The following CAT variants were observed in gnomAD, a reference collection of about 807,000 sequenced individuals.
CAT encodes catalase.
Under a neutral mutation model 59.0 loss-of-function variants are expected in CAT, and 43 were observed. The ratio of observed to expected loss-of-function variants is 0.73; its 90% CI spans 0.57 to 0.94. The LOEUF (loss-of-function observed/expected upper bound fraction) is 0.94. CAT is among the 40% of genes least tolerant of loss of function. The probability of loss-of-function intolerance (pLI) is 0.00; values close to 1 mark genes in which losing one functional copy is unlikely to be tolerated. For synonymous variants in CAT, 218 were observed against 230.9 expected (o/e 0.94, Z 0.51); for missense variants, 664 against 682.9 (o/e 0.97, Z 0.31).
chr11:34,471,273 T>C, intron 12 of CAT, 95 bp from the exon 13 acceptor site: 1 of 1,051,940 alleles, frequency 9.5e-7, no homozygotes, highest in Middle Eastern at 2.0e-4. Context: ...GAATTCTGAA[T>C]TATTATTTTC....
In CAT at chr11:34,461,475, G is replaced by A. The variant is rs905673834; in HGVS notation, c.1195+86G>A. On this transcript the variant is annotated intron_variant, in intron 9 of 12. Transcript: ENST00000241052. ...GGGAGGCCAGGCCAGTGGCTCTCAA[G>A]CTGGCCCCGCAGGACCTCCTGCTTG... 68 of 1,508,528 alleles carry A rather than the reference G, an allele frequency of 4.5e-5. No individual in the cohort carries two copies. The South Asian group carries it at 7.2e-4, about 16-fold the overall frequency. The allele number at this position is 1,508,528 out of a possible 1,614,324, so 93.4% of individuals were successfully genotyped here.
chr11:34,445,053 T>A (rs1240934317), intron 1 of CAT, among the ~76,000 whole-genome samples: 2 of 152,186 alleles, frequency 1.3e-5, no homozygotes, highest in Non-Finnish European at 2.9e-5. Flanking sequence ...TTAGAAAGGC[T>A]CTTGGCCATA....
At chr11:34,449,411 G>A (rs1856496728) in intron 2 of CAT, 48 bp downstream of exon 2, 3 of 1,519,156 alleles carry the variant, frequency 2.0e-6, no homozygotes. Context: ...CACAGCACCT[G>A]GGTCAAGTGT....
intron 1 of CAT, among the ~76,000 whole-genome samples, chr11:34,446,211 G>T (rs1380321964): frequency 2.6e-5 from 4 of 152,098 alleles, no homozygotes; most frequent in Admixed American, 6.5e-5. Flanking sequence ...TTCTGTTGCT[G>T]ACTGTTGAAG....
intron 11 of CAT, among the ~76,000 whole-genome samples, chr11:34,469,005 T>C (rs1231377055): frequency 3.9e-5 from 6 of 152,246 alleles, no homozygotes; most frequent in Non-Finnish European, 8.8e-5. Flanking sequence ...GAAATTTGCA[T>C]GATTTCTGGA....
Position 34,454,067 on chromosome 11 carries a change from T to G in CAT, c.711+141T>G. ...CAAAGTTGGGAAGTATTGATCTCAT[T>G]GATCAGTACTGATTTTGTTGGCTAC... On this transcript the variant is annotated intron_variant, in intron 6 of 12. Coordinates refer to ENST00000241052, the MANE Select transcript of CAT (RefSeq NM_001752.4). 14 of 811,830 alleles carry G rather than the reference T, an allele frequency of 1.7e-5. 1 individual carries two copies. In the South Asian group the frequency reaches 2.3e-4, roughly 13 times the overall value. 50.3% of individuals were successfully genotyped at this position (811,830 alleles called of 1,614,324 possible). A position where few individuals can be genotyped will look rare whatever the true frequency, so the allele number is the denominator to read the frequency against.
At chr11:34,469,878 C>T (rs912209729) in intron 11 of CAT, among the ~76,000 whole-genome samples, 14 of 152,262 alleles carry the variant, frequency 9.2e-5, no homozygotes, top group African/African-American at 3.1e-4. Context: ...GTTAACCAGG[C>T]TGGTCTTGAA....
chr11:34,447,479 A>G (rs950207173), intron 1 of CAT, among the ~76,000 whole-genome samples: 3 of 152,188 alleles, frequency 2.0e-5, no homozygotes, highest in Non-Finnish European at 4.4e-5. Context: ...ACGTATTAGC[A>G]CGTCACAGAG....
chr11:34,448,197 A>G (rs1018068533), intron 1 of CAT, among the ~76,000 whole-genome samples: 2 of 152,020 alleles, frequency 1.3e-5, no homozygotes, highest in Non-Finnish European at 2.9e-5. Context: ...AAAACTACAG[A>G]CTCCACTCTA....
intron 5 of CAT, 91 bp from the exon 6 acceptor site, chr11:34,453,710 G>A (rs369304814): frequency 8.2e-7 from 1 of 1,217,594 alleles, no homozygotes. Flanking sequence ...ATGTCATTAA[G>A]GGACTTTCTG....
chr11:34,459,067 GTTA>G (rs1375016020), intron 8 of CAT, among the ~76,000 whole-genome samples: 1 of 152,088 alleles, frequency 6.6e-6, no homozygotes, highest in Non-Finnish European at 1.5e-5. Flanking sequence ...AGTTTGTCGA[GTTA>G]TTGTTTCTAG....
chr11:34,470,611 AGTACATTCGAAGGGTT>A, intron 11 of CAT: 1 of 350,358 alleles, frequency 2.9e-6, no homozygotes, highest in South Asian at 2.3e-5. Flanking sequence ...TATAAAAGAC[AGTACATTCGAAGGGTT>A]TTAGATCTGT....
At chr11:34,452,771 C>T (rs1484011858) in intron 4 of CAT, among the ~76,000 whole-genome samples, 1 of 151,586 alleles carries the variant, frequency 6.6e-6, no homozygotes, top group East Asian at 1.9e-4. Flanking sequence ...GGGAGATTTG[C>T]TTGAGCCCAG....
rs146946825 is a variant in CAT, at chr11:34,470,982, C to T, written c.1459C>T (p.Pro487Ser). ...KAVKNFTEVH[P>S]DYGSHIQALL... is the part of the protein sequence containing the mutation. ...GGTCAAGAACTTCACTGAGGTCCAC[C>T]CTGACTACGGGAGCCACATCCAGGC... Residue 487 changes from proline to serine, a missense_variant, in exon 12 of 13, where the codon CCT becomes TCT. Pro to Ser is a moderately conservative substitution (Grantham distance 74). Coordinates refer to ENST00000241052, the MANE Select transcript of CAT (RefSeq NM_001752.4). The T allele has an allele frequency of 6.8e-6, 11 of 1,614,140 alleles. No individual in the cohort carries two copies. The highest frequency in any genetic ancestry group is 1.3e-5 in the African/African-American group (1 of 75,042).
At position 34,471,024 on chromosome 11, in the gene CAT, A is replaced by G. The variant is rs747734243; in HGVS notation, c.1501A>G (p.Asn501Asp). The change falls in exon 12 of 13, where the codon AAT becomes GAT. Residue 501 changes from asparagine (N) to aspartate (D), a missense_variant. Physicochemically the swap from Asn to Asp is conservative, Grantham distance 23. Transcript: ENST00000241052. ...CATCCAGGCTCTTCTGGACAAGTAC[A>G]ATGCTGAGAAGCCTAAGGTAAGCTG... ...SHIQALLDKYNAEKPKNAIHT... is the reference protein window; with the variant it reads ...SHIQALLDKYDAEKPKNAIHT... 16 of 1,614,054 alleles carry G rather than the reference A, an allele frequency of 9.9e-6. No homozygotes were observed. In the South Asian group the frequency reaches 1.5e-4, roughly 16 times the overall value.
At chr11:34,458,246 T>C (rs1394546429) in intron 8 of CAT, among the ~76,000 whole-genome samples, 3 of 152,242 alleles carry the variant, frequency 2.0e-5, no homozygotes, top group African/African-American at 7.2e-5. Flanking sequence ...GTTAGGTGTG[T>C]TGAAACTATA....
At chr11:34,455,970 A>G in intron 6 of CAT, 41 bp from the exon 7 acceptor site, 1 of 1,566,542 alleles carries the variant, frequency 6.4e-7, no homozygotes. Flanking sequence ...GATAACTTTG[A>G]CAATAAGTTT....
intron 9 of CAT, among the ~76,000 whole-genome samples, chr11:34,462,974 T>C (rs1856667131): frequency 6.6e-6 from 1 of 152,226 alleles, no homozygotes; most frequent in African/African-American, 2.4e-5. Context: ...GTTGAGTGAA[T>C]AATTGGGCTC....
intron 1 of CAT, 60 bp from the exon 2 acceptor site, chr11:34,449,132 G>C (rs769218): frequency 7.2e-7 from 1 of 1,387,282 alleles, no homozygotes; most frequent in South Asian, 1.2e-5. Context: ...ACCCGTGACA[G>C]TGTAAATGAA....
Sources: allele counts gnomAD v4.1 joint callset (sites outside exome capture counted in the v4.1 genomes callset), GRCh38; gene constraint gnomAD v4.1.1; transcripts MANE v1.5; gene names NCBI Gene and HGNC (gene_info 2026-07-23, HGNC 2026-07-21).